Variants in TTLL6 observed in about 807,000 individuals in gnomAD.
The protein encoded by TTLL6 is tubulin polyglutamylase TTLL6.
In TTLL6, 75 loss-of-function variants were observed where a neutral mutation model predicts 96.4. The observed-to-expected ratio is 0.78, with a 90% CI of 0.65 to 0.94. The LOEUF (loss-of-function observed/expected upper bound fraction) is 0.94. TTLL6 is among the 40% of genes least tolerant of loss of function. TTLL6 has a pLI of 0.00. For missense variants in TTLL6, 1,030 were observed against 1,093.0 expected, an observed-to-expected ratio of 0.94 and a Z score of 0.81; for synonymous variants, 411 against 419.4, an observed-to-expected ratio of 0.98 and a Z score of 0.24.
intron 3 of TTLL6, among the ~76,000 whole-genome samples, chr17:48,802,617 T>A (rs1386112346): frequency 6.6e-6 from 1 of 152,224 alleles, no homozygotes; most frequent in Non-Finnish European, 1.5e-5. Context: ...ACGCCTGTAA[T>A]CCCAGCACTT....
At chr17:48,815,328 A>G (rs1353565509) in intron 1 of TTLL6, 1 of 152,126 alleles carries the variant, frequency 6.6e-6, no homozygotes, top group Admixed American at 6.6e-5. Context: ...GTTTTCCTTC[A>G]CGTACCTCCT....
chr17:48,779,353 CAAAA>C (rs35763170), intron 13 of TTLL6, among the ~76,000 whole-genome samples: 2 of 46,258 alleles, frequency 4.3e-5, no homozygotes, highest in Non-Finnish European at 7.4e-5. Flanking sequence ...GACTCTGTCT[CAAAA>C]AAAAAAAAAA....
At chr17:48,806,910 A>C (rs2039513406) in intron 1 of TTLL6, among the ~76,000 whole-genome samples, 1 of 151,656 alleles carries the variant, frequency 6.6e-6, no homozygotes, top group Non-Finnish European at 1.5e-5. Flanking sequence ...CACATCCATA[A>C]TCCCAGCTAC....
At chr17:48,782,537 G>A (rs2039009852) in intron 13 of TTLL6, among the ~76,000 whole-genome samples, 1 of 152,156 alleles carries the variant, frequency 6.6e-6, no homozygotes, top group Non-Finnish European at 1.5e-5. Context: ...AAAGCTTTCA[G>A]TTTGACATGG....
intron 1 of TTLL6, among the ~76,000 whole-genome samples, chr17:48,809,981 T>C (rs923411744): frequency 6.7e-6 from 1 of 148,764 alleles, no homozygotes; most frequent in African/African-American, 2.5e-5. Context: ...CTACTAAAAA[T>C]ACAGAAAATT....
At chr17:48,810,540 A>G (rs903930138) in intron 1 of TTLL6, among the ~76,000 whole-genome samples, 2 of 152,054 alleles carry the variant, frequency 1.3e-5, no homozygotes, top group Non-Finnish European at 2.9e-5. Context: ...GCTTGCAGAA[A>G]TGTCTACTTC....
chr17:48,788,549 C>G (rs2039153800), intron 10 of TTLL6, among the ~76,000 whole-genome samples: 1 of 152,144 alleles, frequency 6.6e-6, no homozygotes, highest in Non-Finnish European at 1.5e-5. Context: ...GAGACTGATT[C>G]GGAGAAGGCC....
intron 10 of TTLL6, among the ~76,000 whole-genome samples, chr17:48,788,961 T>C (rs772382802): frequency 3.3e-5 from 5 of 151,916 alleles, no homozygotes; most frequent in Admixed American, 2.0e-4. Flanking sequence ...CAACAAAGGA[T>C]CCCCTTGACT....
At position 48,769,735 on chromosome 17, in the gene TTLL6, G is replaced by T. The variant is rs377080812; in HGVS notation, c.2403C>A (p.Asn801Lys). 249 of 1,613,630 alleles carry T rather than the reference G, an allele frequency of 1.5e-4. No homozygotes were observed. Among genetic ancestry groups the T allele is most frequent in the Non-Finnish European group, 2.0e-4 (232 of 1,179,858 alleles). The change falls in exon 14 of 16, where the codon AAC (asparagine) becomes AAA (lysine). Residue 801 changes from asparagine to lysine, a missense_variant. Coordinates refer to ENST00000393382, the MANE Select transcript of TTLL6 (RefSeq NM_001130918.3). ...AHYNPKLGMN[N>K]LSQNPSLPGE... ...GTACACACTGGCACTCACGTGACAG[G>T]TTATTCATCCCCAGCTTGGGGTTGT... is the stretch of plus-strand genomic sequence containing the variant.
chr17:48,774,230 G>GTTTTTTTTTTTTTTTTT lies in TTLL6; in HGVS notation c.2041-4134_2041-4133insAAAAAAAAAAAAAAAAA, dbSNP rs753077737. 5.9e-5 allele frequency among the ~76,000 whole-genome samples: 7 copies of GTTTTTTTTTTTTTTTTT among 117,742 alleles called. 1 individual carries two copies. The highest frequency in any genetic ancestry group is 1.2e-4 in the African/African-American group (4 of 32,526). The allele number at this position is 117,742 out of a possible 152,430, so 77.2% of individuals were successfully genotyped here. A position where few individuals can be genotyped will look rare whatever the true frequency, so the allele number is the denominator to read the frequency against. ...CTCAATGAAACCAAAATCCAGGTTT[G>GTTTTTTTTTTTTTTTTT]TTGTTTTTTTTTTTTTTTTTTTGAG... On this transcript the variant is annotated intron_variant, in intron 13 of 15. Transcript: ENST00000393382.
At chr17:48,803,455 C>G (rs983643817) in intron 3 of TTLL6, among the ~76,000 whole-genome samples, 1 of 148,022 alleles carries the variant, frequency 6.8e-6, no homozygotes, top group Non-Finnish European at 1.5e-5. Flanking sequence ...GAGATCACGC[C>G]ACTGCACTCC....
chr17:48,768,737 C>G (rs550830830), intron 15 of TTLL6, among the ~76,000 whole-genome samples: 1 of 151,598 alleles, frequency 6.6e-6, no homozygotes, highest in East Asian at 2.0e-4. Flanking sequence ...GATGGGGTCT[C>G]CCTTATGTTG....
chr17:48,787,484 G>A (rs1348648523), intron 11 of TTLL6, among the ~76,000 whole-genome samples: 1 of 152,126 alleles, frequency 6.6e-6, no homozygotes, highest in Non-Finnish European at 1.5e-5. Flanking sequence ...TCCACCCCCT[G>A]GGCTCAGGTG....
chr17:48,763,946 G>A (rs1229261518), intron 15 of TTLL6, among the ~76,000 whole-genome samples: 2 of 151,286 alleles, frequency 1.3e-5, no homozygotes, highest in African/African-American at 2.4e-5. Flanking sequence ...CCTGGGCAAC[G>A]GAGGGAGACT....
At chr17:48,812,064 A>ACCTCCCCCCCCCC (rs2039602289) in intron 1 of TTLL6, 5 of 76,140 alleles carry the variant, frequency 6.6e-5, no homozygotes, top group African/African-American at 2.8e-4. Flanking sequence ...TGATGCTGGG[A>ACCTCCCCCCCCCC]CCCCCCCCCC....
rs537631025 is a variant in TTLL6 at position 48,789,992 on chromosome 17, C to A, written c.1339G>T (p.Val447Phe). ...INLESCDKKK[V>F]LEEERQRGQF... ...CCCCGTTGTCTCTCCTCCTCCAAGACTTTCTTCTTGTCACAGCTTTCCAGG... is the reference window on the plus strand; with the variant it reads ...CCCCGTTGTCTCTCCTCCTCCAAGAATTTCTTCTTGTCACAGCTTTCCAGG... The change falls in exon 10 of 16, where the codon GTC becomes TTC. Residue 447 changes from valine to phenylalanine, a missense_variant. By Grantham distance (50) the Val-to-Phe change is conservative. Transcript: ENST00000393382. 23 of 1,614,096 alleles carry A rather than the reference C, an allele frequency of 1.4e-5. No individual in the cohort carries two copies. Among genetic ancestry groups the A allele is most frequent in the Non-Finnish European group, 1.7e-5 (20 of 1,180,038 alleles).
At chr17:48,802,058 G>T (rs1324624376) in intron 3 of TTLL6, among the ~76,000 whole-genome samples, 4 of 114,764 alleles carry the variant, frequency 3.5e-5, no homozygotes, top group Admixed American at 1.0e-4. Context: ...AAGAAAGAAA[G>T]AAAAGAAAAG....
rs115314340 is a variant in TTLL6, at chr17:48,812,909, A to G, written c.103+4061T>C. Among the ~76,000 whole-genome samples, 318 of 152,340 alleles carry G rather than the reference A, an allele frequency of 2.1e-3. 1 individual carries two copies. Among genetic ancestry groups the G allele is most frequent in the African/African-American group, 7.4e-3 (306 of 41,570 alleles). ...AACATCAACCTTGGGTCCTTCTCAT[A>G]TAGCTGGCACTTAAAATGCTTGTTT... On this transcript the variant is annotated intron_variant, in intron 1 of 15. Coordinates refer to ENST00000393382, the MANE Select transcript of TTLL6 (RefSeq NM_001130918.3).
chr17:48,794,283 G>A (rs1233625456), intron 8 of TTLL6: 1 of 1,613,718 alleles, frequency 6.2e-7, no homozygotes, highest in South Asian at 1.1e-5. Context: ...ATTCTCATTG[G>A]AGGAGGAAAA....
Sources: allele counts gnomAD v4.1 joint callset (sites outside exome capture counted in the v4.1 genomes callset), GRCh38; gene constraint gnomAD v4.1.1; transcripts MANE v1.5; gene names NCBI Gene and HGNC (gene_info 2026-07-23, HGNC 2026-07-21).